CSMD1: variants seen among roughly 807,000 people sequenced by gnomAD.
CSMD1 encodes the protein CUB and Sushi multiple domains 1, also known as CUB and sushi domain-containing protein 1.
CSMD1 carries 213 observed loss-of-function variants against 417.5 expected under a neutral mutation model. That is an observed-to-expected ratio of 0.51 (90% CI 0.46 to 0.57). The LOEUF (loss-of-function observed/expected upper bound fraction) is 0.57, where lower values mean the gene tolerates loss of function less well. Among genes scored for constraint, CSMD1 ranks in the 20% least tolerant of loss-of-function variants. The pLI is 0.00. For synonymous variants in CSMD1, 2,862 were observed against 1,736.8 expected (o/e 1.65, Z -16.11); for missense variants, 6,923 against 4,529.7 (o/e 1.53, Z -15.17).
At chr8:4,244,134 G>C (rs1002474300) in intron 3 of CSMD1, among the ~76,000 whole-genome samples, 2 of 152,174 alleles carry the variant, frequency 1.3e-5, no homozygotes, top group African/African-American at 4.8e-5. Flanking sequence ...GTTTCGCGCA[G>C]CACAAGTAGA....
chr8:3,257,279 G>C (rs377676707), intron 26 of CSMD1, among the ~76,000 whole-genome samples: 2 of 152,270 alleles, frequency 1.3e-5, no homozygotes, highest in Non-Finnish European at 2.9e-5. Flanking sequence ...AGCCAAAACC[G>C]TGCCACTGCA....
intron 2 of CSMD1, among the ~76,000 whole-genome samples, chr8:4,577,418 G>C (rs945296028): frequency 6.6e-6 from 1 of 152,058 alleles, no homozygotes; most frequent in African/African-American, 2.4e-5. Flanking sequence ...AAATGTTCTT[G>C]GACACTCTGC....
intron 1 of CSMD1, among the ~76,000 whole-genome samples, chr8:4,754,503 A>G (rs1251175291): frequency 6.6e-6 from 1 of 151,936 alleles, no homozygotes; most frequent in Non-Finnish European, 1.5e-5. Flanking sequence ...AGTTTAGCAT[A>G]AATGCACTCC....
chr8:4,658,053 G>C (rs1804355441), intron 1 of CSMD1, among the ~76,000 whole-genome samples: 1 of 151,802 alleles, frequency 6.6e-6, no homozygotes, highest in African/African-American at 2.4e-5. Context: ...AAAATATTCA[G>C]TATGAAGGGA....
chr8:3,469,900 C>A (rs188425703), intron 11 of CSMD1, among the ~76,000 whole-genome samples: 1 of 152,202 alleles, frequency 6.6e-6, no homozygotes, highest in Admixed American at 6.5e-5. Flanking sequence ...GAAGATTTGT[C>A]TTCGTTGGCA....
At position 3,271,190 on chromosome 8, in the gene CSMD1, G is replaced by A. The variant is rs538899374; in HGVS notation, c.4153+12954C>T. Among the ~76,000 whole-genome samples the A allele has an allele frequency of 1.1e-4, 16 of 149,708 alleles. 1 individual carries two copies. In the East Asian group the frequency reaches 2.8e-3, roughly 26 times the overall value. On this transcript the variant is annotated intron_variant, in intron 26 of 69. Transcript: ENST00000635120. ...GAGAATATGCGGTGTTTGGTTTTTT[G>A]TTCTTGCGATAGTTTACTGAGAATG...
intron 26 of CSMD1, among the ~76,000 whole-genome samples, chr8:3,241,299 A>G (rs1158008786): frequency 6.6e-6 from 1 of 151,086 alleles, no homozygotes; most frequent in Non-Finnish European, 1.5e-5. Context: ...CCTGGCCGTC[A>G]ATACCCACAA....
intron 16 of CSMD1, among the ~76,000 whole-genome samples, chr8:3,398,579 G>A (rs543826951): frequency 2.6e-5 from 4 of 152,140 alleles, no homozygotes; most frequent in South Asian, 2.1e-4. Flanking sequence ...ATAATATTCC[G>A]GATACTGAAA....
At chr8:2,980,552 C>A (rs1331003295) in intron 54 of CSMD1, among the ~76,000 whole-genome samples, 1 of 152,104 alleles carries the variant, frequency 6.6e-6, no homozygotes, top group Non-Finnish European at 1.5e-5. Flanking sequence ...GGTTCACTGG[C>A]AGACATTTAT....
intron 12 of CSMD1, among the ~76,000 whole-genome samples, chr8:3,431,857 C>G (rs1814236157): frequency 6.6e-6 from 1 of 152,124 alleles, no homozygotes; most frequent in African/African-American, 2.4e-5. Context: ...AGCCTGCCAC[C>G]ACGCCCACAG....
intron 3 of CSMD1, among the ~76,000 whole-genome samples, chr8:4,403,206 A>G (rs1223585394): frequency 6.6e-6 from 1 of 152,142 alleles, no homozygotes; most frequent in Non-Finnish European, 1.5e-5. Context: ...TTACTCAACC[A>G]ATTTTCTTTT....
At chr8:3,010,813 G>A (rs1012130120) in intron 52 of CSMD1, among the ~76,000 whole-genome samples, 4 of 149,644 alleles carry the variant, frequency 2.7e-5, no homozygotes, top group Admixed American at 6.7e-5. Context: ...GCATGATCTC[G>A]GCTCACTGCA....
chr8:4,768,298 C>T (rs756547896), intron 1 of CSMD1, among the ~76,000 whole-genome samples: 1 of 152,026 alleles, frequency 6.6e-6, no homozygotes, highest in Non-Finnish European at 1.5e-5. Context: ...GAACCCACCA[C>T]ACTCATTCGT....
intron 10 of CSMD1, among the ~76,000 whole-genome samples, chr8:3,560,548 C>T (rs1799424995): frequency 6.6e-6 from 1 of 152,168 alleles, no homozygotes; most frequent in African/African-American, 2.4e-5. Context: ...GGCAGCTCCT[C>T]TGAGTTATAA....
chr8:4,519,711 C>G (rs1803325737), intron 2 of CSMD1, among the ~76,000 whole-genome samples: 1 of 122,836 alleles, frequency 8.1e-6, no homozygotes, highest in Non-Finnish European at 1.6e-5. Flanking sequence ...CTACTGCACT[C>G]CAGCCTAGGC....
intron 2 of CSMD1, among the ~76,000 whole-genome samples, chr8:4,524,559 C>T (rs1422082425): frequency 2.8e-5 from 4 of 141,126 alleles, no homozygotes; most frequent in Non-Finnish European, 4.6e-5. Context: ...CATTTTTCAT[C>T]ACACTTGGTC....
At chr8:4,057,502 T>G (rs970037914) in intron 3 of CSMD1, among the ~76,000 whole-genome samples, 4 of 152,182 alleles carry the variant, frequency 2.6e-5, no homozygotes, top group African/African-American at 7.2e-5. Flanking sequence ...ATTCTGACGG[T>G]AGTTTGTTTT....
chr8:2,997,037 G>T (rs892381942), intron 54 of CSMD1, among the ~76,000 whole-genome samples: 1 of 152,204 alleles, frequency 6.6e-6, no homozygotes, highest in East Asian at 1.9e-4. Flanking sequence ...CAGGGGCTGG[G>T]GCTCGGCGGA....
At chr8:4,002,008 G>T (rs1815717388) in intron 4 of CSMD1, among the ~76,000 whole-genome samples, 1 of 152,088 alleles carries the variant, frequency 6.6e-6, no homozygotes, top group Non-Finnish European at 1.5e-5. Flanking sequence ...AATAATATAT[G>T]CAAGATATAT....
Sources: allele counts gnomAD v4.1 joint callset (sites outside exome capture counted in the v4.1 genomes callset), GRCh38; gene constraint gnomAD v4.1.1; transcripts MANE v1.5; gene names NCBI Gene and HGNC (gene_info 2026-07-23, HGNC 2026-07-21).